PCDHGA1: variants seen among roughly 807,000 people sequenced by gnomAD.
PCDHGA1 encodes the protein protocadherin gamma-A1.
Under a neutral mutation model 58.0 loss-of-function variants are expected in PCDHGA1, and 32 were observed. The ratio of observed to expected loss-of-function variants is 0.55; its 90% confidence interval spans 0.42 to 0.74. The LOEUF (loss-of-function observed/expected upper bound fraction) is 0.74, where lower values mean the gene tolerates loss of function less well. Ranked by LOEUF, PCDHGA1 falls within the 30% of genes least tolerant of loss-of-function variation. PCDHGA1 has a pLI of 0.00. For missense variants in PCDHGA1, 1,205 were observed against 1,182.3 expected, an observed-to-expected ratio of 1.02 and a Z score of -0.28; for synonymous variants, 498 against 501.1, an observed-to-expected ratio of 0.99 and a Z score of 0.08.
chr5:141,409,572 A>G (rs1440637025), intron 1 of PCDHGA1: 2 of 1,613,920 alleles, frequency 1.2e-6, no homozygotes, highest in South Asian at 1.1e-5. Context: ...CAGACGTCCT[A>G]CGTGGTCCAC....
At chr5:141,438,997 C>T (rs2098080665) in intron 1 of PCDHGA1, among the ~76,000 whole-genome samples, 1 of 151,716 alleles carries the variant, frequency 6.6e-6, no homozygotes, top group Admixed American at 6.6e-5. Flanking sequence ...AGGCTAAGGA[C>T]CTGGTTTGTT....
At chr5:141,444,205 CTT>C in intron 1 of PCDHGA1, among the ~76,000 whole-genome samples, 1 of 77,932 alleles carries the variant, frequency 1.3e-5, no homozygotes. Context: ...GAGTTTCACT[CTT>C]GTTGCCCAGG....
intron 1 of PCDHGA1, chr5:141,350,947 TACGGATGCCAATGATA>T: frequency 6.2e-7 from 1 of 1,614,070 alleles, no homozygotes; most frequent in South Asian, 1.1e-5. Flanking sequence ...GGATCCGAGT[TACGGATGCCAATGATA>T]ATGCTCCCGT....
chr5:141,356,985 C>T, intron 1 of PCDHGA1: 2 of 1,614,208 alleles, frequency 1.2e-6, no homozygotes, highest in Non-Finnish European at 1.7e-6. Context: ...TGGCAGTGGA[C>T]AGAGACTCAG....
At position 141,341,132 on chromosome 5, in the gene PCDHGA1, A is replaced by G. The variant is rs747276175; in HGVS notation, c.2421+8027A>G. ...GGCGCACAGGCTGCGGCGCTGGCAC[A>G]AGTCACGCCTGCTGCAGGCTTCAGG... On this transcript the variant is annotated intron_variant, in intron 1 of 3. Transcript: ENST00000517417. 4.3e-5 allele frequency: 70 copies of G among 1,614,068 alleles called. No individual in the cohort carries two copies. The African/African-American group carries it at 6.0e-4, about 14-fold the overall frequency.
intron 1 of PCDHGA1, chr5:141,355,093 G>A (rs1311251938): frequency 1.3e-6 from 2 of 1,483,574 alleles, no homozygotes; most frequent in Non-Finnish European, 1.8e-6. Flanking sequence ...GAAGCCCTGA[G>A]AGCTCTGGCT....
intron 1 of PCDHGA1, among the ~76,000 whole-genome samples, chr5:141,482,843 G>A (rs1005014887): frequency 7.1e-6 from 1 of 140,154 alleles, no homozygotes; most frequent in Non-Finnish European, 1.5e-5. Flanking sequence ...AGGCCAAGGT[G>A]GGCAGATCAC....
At chr5:141,407,497 G>GTTTTTTTTTTTTTTTT (rs1554102286) in intron 1 of PCDHGA1, among the ~76,000 whole-genome samples, 1 of 151,966 alleles carries the variant, frequency 6.6e-6, no homozygotes, top group Non-Finnish European at 1.5e-5. Flanking sequence ...CTTTATTTCT[G>GTTTTTTTTTTTTTTTT]TTTTTCTTAG....
At chr5:141,340,402 T>C in intron 1 of PCDHGA1, 1 of 1,614,156 alleles carries the variant, frequency 6.2e-7, no homozygotes, top group Non-Finnish European at 8.5e-7. Context: ...TGACGGCCCA[T>C]GACCCCGACA....
At chr5:141,350,887 G>C in intron 1 of PCDHGA1, 1 of 1,614,044 alleles carries the variant, frequency 6.2e-7, no homozygotes, top group Non-Finnish European at 8.5e-7. Flanking sequence ...GCTTAATCCT[G>C]ACTGCCATGG....
chr5:141,436,089 T>C (rs1001252646), intron 1 of PCDHGA1, among the ~76,000 whole-genome samples: 1 of 152,204 alleles, frequency 6.6e-6, no homozygotes, highest in Non-Finnish European at 1.5e-5. Context: ...ATAGGTAATA[T>C]TGAGAGAAAT....
At chr5:141,370,339 ATTAT>A (rs1300420900) in intron 1 of PCDHGA1, 18 of 1,464,644 alleles carry the variant, frequency 1.2e-5, no homozygotes, top group Non-Finnish European at 1.7e-5. Flanking sequence ...AACTCTTGGG[ATTAT>A]TTAAAGATCT....
At chr5:141,385,005 C>T in intron 1 of PCDHGA1, 1 of 1,614,138 alleles carries the variant, frequency 6.2e-7, no homozygotes, top group Non-Finnish European at 8.5e-7. Flanking sequence ...CAGTCTCCTG[C>T]GTCTTCCTAG....
chr5:141,418,102 C>T (rs760484009), intron 1 of PCDHGA1: 15 of 1,614,014 alleles, frequency 9.3e-6, no homozygotes, highest in Non-Finnish European at 1.3e-5. Context: ...ACGCGCAGAG[C>T]GGGGACTTAC....
At chr5:141,386,308 A>G (rs1057447717) in intron 1 of PCDHGA1, among the ~76,000 whole-genome samples, 5 of 152,236 alleles carry the variant, frequency 3.3e-5, no homozygotes, top group African/African-American at 4.8e-5. Flanking sequence ...AAAGCTCAGT[A>G]TATCAAGTGA....
At chr5:141,424,928 T>C (rs2096848391) in intron 1 of PCDHGA1, among the ~76,000 whole-genome samples, 1 of 152,204 alleles carries the variant, frequency 6.6e-6, no homozygotes, top group South Asian at 2.1e-4. Flanking sequence ...ATCAATTCAG[T>C]CAACACTCTC....
intron 1 of PCDHGA1, chr5:141,365,793 C>G (rs780558730): frequency 1.2e-6 from 2 of 1,613,948 alleles, no homozygotes; most frequent in South Asian, 2.2e-5. Flanking sequence ...GCTCGAGTCA[C>G]CTACTCCCTG....
intron 1 of PCDHGA1, chr5:141,362,422 A>G: frequency 2.5e-6 from 4 of 1,614,016 alleles, no homozygotes; most frequent in African/African-American, 2.7e-5. Flanking sequence ...ATCAGCCAAG[A>G]CAGAGTTCAA....
At chr5:141,348,779 A>C (rs532009905) in intron 1 of PCDHGA1, among the ~76,000 whole-genome samples, 1 of 152,352 alleles carries the variant, frequency 6.6e-6, no homozygotes, top group Non-Finnish European at 1.5e-5. Flanking sequence ...GCAAGGAAAC[A>C]AGTGAAAAGG....
Sources: gnomAD v4.1 joint callset for allele counts (sites outside exome capture counted in the v4.1 genomes callset) on GRCh38, gnomAD v4.1.1 for gene constraint, MANE v1.5 for transcripts, NCBI Gene and HGNC (gene_info 2026-07-23, HGNC 2026-07-21) for gene names.